Variants in PDE1A observed in about 807,000 individuals in gnomAD.
PDE1A encodes the protein phosphodiesterase 1A.
PDE1A carries 35 observed loss-of-function variants against 61.7 expected under a neutral mutation model. That is an observed-to-expected ratio of 0.57 (90% CI 0.43 to 0.75). The LOEUF (loss-of-function observed/expected upper bound fraction) is 0.75, where lower values mean the gene tolerates loss of function less well. Among genes scored for constraint, PDE1A ranks in the 30% least tolerant of loss-of-function variants. PDE1A has a pLI of 0.00. For missense variants in PDE1A, 597 were observed against 630.6 expected (o/e 0.95, Z 0.57); for synonymous variants, 232 against 213.2 (o/e 1.09, Z -0.77).
chr2:182,639,389 G>A, the PDE1A span, among the ~76,000 whole-genome samples: 2 of 152,038 alleles, frequency 1.3e-5, no homozygotes, highest in African/African-American at 2.4e-5. Context: ...CCAATGTGGC[G>A]AAAACCCGTC....
chr2:182,343,054 T>G (rs993841107), intron 1 of PDE1A, among the ~76,000 whole-genome samples: 1 of 152,234 alleles, frequency 6.6e-6, no homozygotes, highest in African/African-American at 2.4e-5. Context: ...TGTTTTATAA[T>G]TGGACTATGG....
intron 7 of PDE1A, among the ~76,000 whole-genome samples, chr2:182,206,444 C>G (rs1372487214): frequency 1.3e-5 from 2 of 152,204 alleles, no homozygotes; most frequent in Admixed American, 1.3e-4. Flanking sequence ...AGGCTTCACT[C>G]TTGGTGTTGT....
chr2:182,631,202 C>T, the PDE1A span, among the ~76,000 whole-genome samples: 1 of 152,036 alleles, frequency 6.6e-6, no homozygotes, highest in African/African-American at 2.4e-5. Context: ...CCCTTAGAAC[C>T]AGGTGTACTA....
intron 1 of PDE1A, among the ~76,000 whole-genome samples, chr2:182,326,228 A>C (rs1038611583): frequency 1.3e-5 from 2 of 152,206 alleles, no homozygotes; most frequent in African/African-American, 4.8e-5. Flanking sequence ...TCTACCCACA[A>C]GAATTGAATG....
At chr2:182,237,810 C>T (rs1331422741) in intron 3 of PDE1A, among the ~76,000 whole-genome samples, 1 of 152,090 alleles carries the variant, frequency 6.6e-6, no homozygotes, top group African/African-American at 2.4e-5. Context: ...GGATGAATGG[C>T]TCCAAGGCAG....
chr2:182,187,745 T>TC (rs1452610525), intron 11 of PDE1A, among the ~76,000 whole-genome samples: 1 of 128,144 alleles, frequency 7.8e-6, no homozygotes, highest in Non-Finnish European at 1.7e-5. Context: ...TTCTTTTTTT[T>TC]TTTTTTTTTT....
intron 2 of PDE1A, among the ~76,000 whole-genome samples, chr2:182,456,964 G>A (rs1227488394): frequency 6.6e-6 from 1 of 152,000 alleles, no homozygotes; most frequent in African/African-American, 2.4e-5. Flanking sequence ...AAATGCCTGT[G>A]GTTAATCATT....
At chr2:182,179,370 G>A (rs1684551124) in intron 13 of PDE1A, among the ~76,000 whole-genome samples, 1 of 152,008 alleles carries the variant, frequency 6.6e-6, no homozygotes, top group East Asian at 1.9e-4. Flanking sequence ...TTGTTGAGTG[G>A]AAAGCAATTC....
chr2:182,700,721 C>CAAAAAAAAAAAAAAAAAAAA, the PDE1A span, among the ~76,000 whole-genome samples: 18 of 23,976 alleles, frequency 7.5e-4, no homozygotes, highest in East Asian at 1.4e-3. Flanking sequence ...GACTCCATCT[C>CAAAAAAAAAAAAAAAAAAAA]AAAAAAAAAA....
intron 1 of PDE1A, among the ~76,000 whole-genome samples, chr2:182,398,155 A>G (rs1701812772): frequency 1.3e-5 from 2 of 152,064 alleles, no homozygotes; most frequent in Admixed American, 1.3e-4. Context: ...GGGTGAAGTC[A>G]GTGAGGAAAT....
At chr2:182,334,951 C>A (rs909650829) in intron 1 of PDE1A, among the ~76,000 whole-genome samples, 1 of 152,136 alleles carries the variant, frequency 6.6e-6, no homozygotes, top group African/African-American at 2.4e-5. Flanking sequence ...AATCAATGTG[C>A]AAAATTCACA....
intron 2 of PDE1A, among the ~76,000 whole-genome samples, chr2:182,459,521 A>G (rs1320398966): frequency 2.6e-5 from 4 of 152,160 alleles, no homozygotes; most frequent in African/African-American, 9.6e-5. Flanking sequence ...AAAGGAATTT[A>G]CTAAAAGGAT....
intron 2 of PDE1A, among the ~76,000 whole-genome samples, chr2:182,486,301 A>C (rs1688020884): frequency 6.6e-6 from 1 of 152,094 alleles, no homozygotes; most frequent in Non-Finnish European, 1.5e-5. Context: ...AGAGAAATTA[A>C]AGAATATAAA....
At chr2:182,276,585 G>A (rs1693427369) in intron 1 of PDE1A, among the ~76,000 whole-genome samples, 1 of 151,014 alleles carries the variant, frequency 6.6e-6, no homozygotes, top group Admixed American at 6.7e-5. Context: ...TAAAACATGT[G>A]TGTTTGAACA....
At chr2:182,509,437 CAA>C (rs768418754) in intron 2 of PDE1A, among the ~76,000 whole-genome samples, 4 of 152,108 alleles carry the variant, frequency 2.6e-5, no homozygotes, top group Non-Finnish European at 5.9e-5. Flanking sequence ...AAAATCAAAA[CAA>C]GAGAACAGCT....
At chr2:182,545,296 GC>G in the PDE1A span, among the ~76,000 whole-genome samples, 1 of 152,160 alleles carries the variant, frequency 6.6e-6, no homozygotes, top group African/African-American at 2.4e-5. Flanking sequence ...TCCCAAAGCA[GC>G]CCCTTCCCTG....
chr2:182,147,774 C>A (rs930695952), intron 13 of PDE1A, among the ~76,000 whole-genome samples: 2 of 152,020 alleles, frequency 1.3e-5, no homozygotes, highest in African/African-American at 4.8e-5. Flanking sequence ...ACAAAGTAAA[C>A]AAAATAAACA....
chr2:182,610,094 A>G, the PDE1A span, among the ~76,000 whole-genome samples: 1 of 151,856 alleles, frequency 6.6e-6, no homozygotes, highest in African/African-American at 2.4e-5. Context: ...TCTCAAAAAA[A>G]AAAAAAAAGA....
intron 1 of PDE1A, among the ~76,000 whole-genome samples, chr2:182,356,870 T>C (rs1345961398): frequency 6.6e-6 from 1 of 152,198 alleles, no homozygotes; most frequent in Non-Finnish European, 1.5e-5. Context: ...GATGAGTTAA[T>C]GTCCTTTGTA....
Sources: allele counts gnomAD v4.1 joint callset (sites outside exome capture counted in the v4.1 genomes callset), GRCh38; gene constraint gnomAD v4.1.1; transcripts MANE v1.5; gene names NCBI Gene and HGNC (gene_info 2026-07-23, HGNC 2026-07-21).